The following FHIT variants were observed in gnomAD, a reference collection of about 807,000 sequenced individuals.
FHIT encodes the protein bis(5'-adenosyl)-triphosphatase.
FHIT carries 19 observed loss-of-function variants against 17.9 expected under a neutral mutation model. That is an observed-to-expected ratio of 1.06 (90% CI 0.74 to 1.56). FHIT has a LOEUF of 1.56. Ranked by LOEUF, FHIT falls within the 40% of genes most tolerant of loss-of-function variation. The pLI is 0.00. For missense variants in FHIT, 248 were observed against 189.2 expected, an observed-to-expected ratio of 1.31 and a Z score of -1.82; for synonymous variants, 81 against 69.7, an observed-to-expected ratio of 1.16 and a Z score of -0.81.
chr3:60,660,090 G>A (rs192541809), intron 4 of FHIT, among the ~76,000 whole-genome samples: 98 of 152,194 alleles, frequency 6.4e-4, no homozygotes, highest in African/African-American at 2.3e-3. Flanking sequence ...GCTTTAAAAT[G>A]TACTAGTCTT....
intron 8 of FHIT, among the ~76,000 whole-genome samples, chr3:59,880,115 T>A (rs1445943726): frequency 2.0e-5 from 3 of 152,210 alleles, no homozygotes; most frequent in Non-Finnish European, 4.4e-5. Context: ...AGCTGCCTCA[T>A]AACGACATCC....
chr3:60,306,820 T>A (rs1708693085), intron 5 of FHIT, among the ~76,000 whole-genome samples: 1 of 152,156 alleles, frequency 6.6e-6, no homozygotes, highest in Non-Finnish European at 1.5e-5. Context: ...AAAAATACAC[T>A]TGGTGCTCGT....
intron 5 of FHIT, among the ~76,000 whole-genome samples, chr3:60,099,006 T>C (rs1392293094): frequency 2.0e-5 from 3 of 152,154 alleles, no homozygotes; most frequent in East Asian, 1.9e-4. Flanking sequence ...GCCAATGATA[T>C]AGTAGAGTGC....
chr3:59,948,348 CAAAAAAAA>C lies in FHIT; in HGVS notation c.280-25942_280-25935del, dbSNP rs35941668. 3.4e-5 allele frequency among the ~76,000 whole-genome samples: 4 copies of C among 116,416 alleles called. No homozygotes were observed. In the Admixed American group the frequency reaches 3.6e-4, roughly 11 times the overall value. 76.4% of individuals were successfully genotyped at this position (116,416 alleles called of 152,430 possible). A position where few individuals can be genotyped will look rare whatever the true frequency, so the allele number is the denominator to read the frequency against. Reference sequence around the variant, plus strand: ...TGAAACCCCGTCTCCACTAAAAATACAAAAAAAAAAAAAAAAAAATTAGCCGGGCATAG... The same window carrying C: ...TGAAACCCCGTCTCCACTAAAAATACAAAAAAAAAAATTAGCCGGGCATAG... On this transcript the variant is annotated intron_variant, in intron 7 of 9. Transcript: ENST00000492590.
intron 3 of FHIT, among the ~76,000 whole-genome samples, chr3:61,023,296 G>C (rs1006389294): frequency 6.6e-6 from 1 of 152,192 alleles, no homozygotes; most frequent in African/African-American, 2.4e-5. Context: ...GGGATGTGAA[G>C]GACCTCTTCA....
chr3:60,877,796 G>C (rs1553756853), intron 3 of FHIT, among the ~76,000 whole-genome samples: 1 of 152,022 alleles, frequency 6.6e-6, no homozygotes, highest in Non-Finnish European at 1.5e-5. Flanking sequence ...TAGCCCACTA[G>C]AGTCTGAACT....
chr3:61,113,758 T>C lies in FHIT; in HGVS notation c.-163-71659A>G, dbSNP rs2886257. Among the ~76,000 whole-genome samples the C allele has an allele frequency of 1.6e-3, 243 of 152,084 alleles. 1 individual carries two copies. The highest frequency in any genetic ancestry group is 5.7e-3 in the African/African-American group (237 of 41,464). ...CCCCAGCCTCTAACATAACACATGA[T>C]ATACAGCGGATGCTCGATAAACATT... is the stretch of plus-strand genomic sequence containing the variant. On this transcript the variant is annotated intron_variant, in intron 2 of 9. Coordinates refer to ENST00000492590, the MANE Select transcript of FHIT (RefSeq NM_002012.4).
At chr3:60,390,767 A>G in intron 5 of FHIT, among the ~76,000 whole-genome samples, 1 of 152,292 alleles carries the variant, frequency 6.6e-6, no homozygotes, top group South Asian at 2.1e-4. Flanking sequence ...AAATAAAAAA[A>G]TACACTAAAG....
chr3:60,397,067 T>G (rs1295656236), intron 5 of FHIT, among the ~76,000 whole-genome samples: 1 of 152,232 alleles, frequency 6.6e-6, no homozygotes, highest in Non-Finnish European at 1.5e-5. Context: ...CTGTAGCCAC[T>G]GATGTAAACT....
intron 7 of FHIT, among the ~76,000 whole-genome samples, chr3:59,984,790 T>C (rs544603705): frequency 1.3e-5 from 2 of 152,158 alleles, no homozygotes; most frequent in African/African-American, 4.8e-5. Context: ...ACAAAGATTA[T>C]TGTCTTATTT....
chr3:60,181,249 G>A (rs189222913), intron 5 of FHIT, among the ~76,000 whole-genome samples: 1,597 of 149,992 alleles, frequency 0.011, 21 homozygotes, highest in African/African-American at 0.037. Flanking sequence ...GGGTTCAAGC[G>A]ATTCTCCCAC....
intron 4 of FHIT, among the ~76,000 whole-genome samples, chr3:60,545,214 C>T (rs1050236694): frequency 7.9e-5 from 12 of 151,594 alleles, no homozygotes; most frequent in Admixed American, 7.2e-4. Context: ...ATCTCTTTTA[C>T]CTATTTCGTA....
intron 5 of FHIT, among the ~76,000 whole-genome samples, chr3:60,191,491 A>G (rs1463263011): frequency 6.6e-6 from 1 of 152,226 alleles, no homozygotes; most frequent in Non-Finnish European, 1.5e-5. Context: ...ATGGCAGTGT[A>G]CATTGCTCAC....
At chr3:59,988,796 G>C (rs1157110564) in intron 7 of FHIT, among the ~76,000 whole-genome samples, 1 of 152,112 alleles carries the variant, frequency 6.6e-6, no homozygotes, top group Non-Finnish European at 1.5e-5. Flanking sequence ...GGTTAAGTAA[G>C]TAGGAAGTAG....
intron 4 of FHIT, among the ~76,000 whole-genome samples, chr3:60,605,600 T>C (rs1553670878): frequency 6.6e-6 from 1 of 152,250 alleles, no homozygotes; most frequent in African/African-American, 2.4e-5. Flanking sequence ...ATCTCCTTGG[T>C]CTGTGTGCTG....
At chr3:59,848,813 C>T (rs1021332758) in intron 8 of FHIT, among the ~76,000 whole-genome samples, 2 of 152,194 alleles carry the variant, frequency 1.3e-5, no homozygotes, top group Non-Finnish European at 2.9e-5. Context: ...CAGATTCTTC[C>T]TTCAATGCCC....
At chr3:60,971,657 T>G (rs1710021461) in intron 3 of FHIT, among the ~76,000 whole-genome samples, 1 of 152,192 alleles carries the variant, frequency 6.6e-6, no homozygotes, top group Admixed American at 6.5e-5. Flanking sequence ...AATTTCTGTT[T>G]GTTTGCAGTT....
intron 5 of FHIT, among the ~76,000 whole-genome samples, chr3:60,309,840 G>A (rs1266553779): frequency 4.0e-5 from 6 of 151,878 alleles, no homozygotes; most frequent in East Asian, 3.9e-4. Context: ...AGCTCAAGTC[G>A]CTCCCACAGC....
intron 5 of FHIT, among the ~76,000 whole-genome samples, chr3:60,305,843 A>G (rs1708646872): frequency 6.6e-6 from 1 of 152,138 alleles, no homozygotes; most frequent in Non-Finnish European, 1.5e-5. Flanking sequence ...CTGATGTGCT[A>G]TTTAATGGTT....
Sources: allele counts gnomAD v4.1 joint callset (sites outside exome capture counted in the v4.1 genomes callset), GRCh38; gene constraint gnomAD v4.1.1; transcripts MANE v1.5; gene names NCBI Gene and HGNC (gene_info 2026-07-23, HGNC 2026-07-21).